SEMA3A: variants seen among roughly 807,000 people sequenced by gnomAD.
SEMA3A encodes semaphorin 3A.
Under a neutral mutation model 97.9 loss-of-function variants are expected in SEMA3A, and 29 were observed. The ratio of observed to expected loss-of-function variants is 0.30; its 90% CI spans 0.22 to 0.40. SEMA3A has a LOEUF of 0.40. Ranked by LOEUF, SEMA3A falls within the 10% of genes least tolerant of loss-of-function variation. SEMA3A has a pLI of 1.00. For synonymous variants in SEMA3A, 321 were observed against 323.7 expected (o/e 0.99, Z 0.09); for missense variants, 763 against 951.3 (o/e 0.80, Z 2.60).
At chr7:84,026,692 C>T (rs574274230) in intron 6 of SEMA3A, among the ~76,000 whole-genome samples, 2 of 152,286 alleles carry the variant, frequency 1.3e-5, no homozygotes, top group South Asian at 4.1e-4. Context: ...AGATCATGTC[C>T]TGTAGGAACA....
intron 1 of SEMA3A, among the ~76,000 whole-genome samples, chr7:84,430,837 G>A (rs1422007107): frequency 6.7e-6 from 1 of 149,916 alleles, no homozygotes; most frequent in African/African-American, 2.5e-5. Flanking sequence ...AGATTATATT[G>A]TGTATTTTTA....
chr7:84,054,984 C>T (rs1219335568), intron 5 of SEMA3A, among the ~76,000 whole-genome samples: 1 of 152,142 alleles, frequency 6.6e-6, no homozygotes, highest in Non-Finnish European at 1.5e-5. Context: ...CAGTCTGCCC[C>T]TGCTGTGGGG....
chr7:84,445,516 A>AAAAAAAAAAAAAAAAG (rs1805391070), intron 1 of SEMA3A, among the ~76,000 whole-genome samples: 2 of 123,756 alleles, frequency 1.6e-5, no homozygotes, highest in African/African-American at 7.3e-5. Context: ...AAAAAAAAAA[A>AAAAAAAAAAAAAAAAG]AAAAGAAAAG....
chr7:84,333,114 T>C (rs1801945586), intron 2 of SEMA3A, among the ~76,000 whole-genome samples: 1 of 152,156 alleles, frequency 6.6e-6, no homozygotes, highest in South Asian at 2.1e-4. Flanking sequence ...ATATAAGATG[T>C]GAAAAATGAC....
At chr7:84,263,842 A>G (rs888343684) in intron 3 of SEMA3A, among the ~76,000 whole-genome samples, 8 of 152,332 alleles carry the variant, frequency 5.3e-5, no homozygotes, top group African/African-American at 1.9e-4. Flanking sequence ...TGGTCTTAAA[A>G]GGAAATAATG....
In SEMA3A at chr7:84,070,868, G is replaced by T. The variant is rs139326425; in HGVS notation, c.454-10310C>A. 2.7e-3 allele frequency among the ~76,000 whole-genome samples: 410 copies of T among 152,110 alleles called. 2 individuals are homozygous for T. The highest frequency in any genetic ancestry group is 9.3e-3 in the African/African-American group (387 of 41,484). Reference sequence around the variant, plus strand: ...AAGTCACTTCCTGGAAGTCTTCAGAGATTCCTGCTGATATAATTAGTTAGT... The same window carrying T: ...AAGTCACTTCCTGGAAGTCTTCAGATATTCCTGCTGATATAATTAGTTAGT... On this transcript the variant is annotated intron_variant, in intron 4 of 16. Transcript: ENST00000265362.
chr7:84,379,706 G>T (rs73189065), intron 1 of SEMA3A, among the ~76,000 whole-genome samples: 1 of 151,910 alleles, frequency 6.6e-6, no homozygotes, highest in Non-Finnish European at 1.5e-5. Flanking sequence ...AGAAAAAAAA[G>T]AAAAACAACA....
chr7:84,360,713 G>T (rs1802695858), intron 2 of SEMA3A, among the ~76,000 whole-genome samples: 1 of 152,048 alleles, frequency 6.6e-6, no homozygotes, highest in Admixed American at 6.6e-5. Flanking sequence ...AATTAGCTCA[G>T]TGTCAAAGGG....
intron 1 of SEMA3A, among the ~76,000 whole-genome samples, chr7:84,467,598 C>A (rs1806036157): frequency 6.7e-6 from 1 of 149,348 alleles, no homozygotes; most frequent in African/African-American, 2.5e-5. Context: ...AAACACTGAA[C>A]TACGACTTCC....
intron 1 of SEMA3A, among the ~76,000 whole-genome samples, chr7:84,425,900 T>G (rs1226703331): frequency 6.7e-6 from 1 of 150,368 alleles, no homozygotes; most frequent in Non-Finnish European, 1.5e-5. Flanking sequence ...TACTCAGTCT[T>G]AAAAACGACA....
At chr7:84,005,267 G>T in intron 11 of SEMA3A, 72 bp downstream of exon 11, 1 of 1,136,102 alleles carries the variant, frequency 8.8e-7, no homozygotes, top group Non-Finnish European at 1.3e-6. Flanking sequence ...CCCCTGAGAT[G>T]TTCAAAGATC....
chr7:84,085,387 G>C (rs1036252764), intron 4 of SEMA3A, among the ~76,000 whole-genome samples: 1 of 151,584 alleles, frequency 6.6e-6, no homozygotes, highest in African/African-American at 2.4e-5. Context: ...TAAAATCGTA[G>C]ACACTATTCT....
chr7:84,470,772 G>T (rs1806126290), intron 1 of SEMA3A, among the ~76,000 whole-genome samples: 1 of 151,984 alleles, frequency 6.6e-6, no homozygotes, highest in South Asian at 2.1e-4. Flanking sequence ...TACTCTAAAA[G>T]AATAAAAGCT....
chr7:84,448,019 TGGTGTGCCC>T (rs1185299713), intron 1 of SEMA3A, among the ~76,000 whole-genome samples: 2 of 152,208 alleles, frequency 1.3e-5, no homozygotes, highest in African/African-American at 4.8e-5. Context: ...CTGCAGCAGC[TGGTGTGCCC>T]GGTGTGCCTG....
chr7:84,401,434 G>A (rs759551323), intron 1 of SEMA3A, among the ~76,000 whole-genome samples: 2 of 150,334 alleles, frequency 1.3e-5, no homozygotes, highest in Non-Finnish European at 3.0e-5. Flanking sequence ...ACCGAATGCA[G>A]TCTATAGATT....
intron 1 of SEMA3A, among the ~76,000 whole-genome samples, chr7:84,137,454 C>CAA (rs1164379296): frequency 6.9e-6 from 1 of 143,886 alleles, no homozygotes; most frequent in Non-Finnish European, 1.5e-5. Flanking sequence ...CAAAAGATTA[C>CAA]AAATGATCAA....
intron 15 of SEMA3A, among the ~76,000 whole-genome samples, chr7:83,970,048 T>C (rs186745574): frequency 1.3e-5 from 2 of 152,296 alleles, no homozygotes; most frequent in Admixed American, 1.3e-4. Flanking sequence ...CCTTGTTAAA[T>C]TGGCATAATG....
intron 2 of SEMA3A, among the ~76,000 whole-genome samples, chr7:84,340,081 C>A (rs1387733194): frequency 2.6e-5 from 4 of 152,074 alleles, no homozygotes; most frequent in African/African-American, 9.6e-5. Flanking sequence ...AATTACCATA[C>A]TGTGATGTAG....
rs551709727 is a variant in SEMA3A at position 84,002,164 on chromosome 7, A to T, written c.1361-118T>A. The T allele has an allele frequency of 1.3e-4, 78 of 590,472 alleles. 2 individuals are homozygous for T. In the South Asian group the frequency reaches 1.8e-3, roughly 14 times the overall value. 36.6% of individuals were successfully genotyped at this position (590,472 alleles called of 1,614,324 possible). On this transcript the variant is annotated intron_variant, in intron 11 of 16. Coordinates refer to ENST00000265362, the MANE Select transcript of SEMA3A (RefSeq NM_006080.3). ...ACCTTTGATATCGGTCTTCCTTTTA[A>T]TTCATTTTTTGGTCAAAACATGAGT...
Sources: gnomAD v4.1 joint callset for allele counts (sites outside exome capture counted in the v4.1 genomes callset) on GRCh38, gnomAD v4.1.1 for gene constraint, MANE v1.5 for transcripts, NCBI Gene and HGNC (gene_info 2026-07-23, HGNC 2026-07-21) for gene names.